SYNE1: variants seen among roughly 807,000 people sequenced by gnomAD.
SYNE1 encodes spectrin repeat containing nuclear envelope protein 1.
Under a neutral mutation model 1,111.0 loss-of-function variants are expected in SYNE1, and 616 were observed. The observed-to-expected ratio is 0.55, with a 90% CI of 0.52 to 0.59. The LOEUF (loss-of-function observed/expected upper bound fraction) is 0.59. Ranked by LOEUF, SYNE1 falls within the 20% of genes least tolerant of loss-of-function variation. The pLI is 0.00. For synonymous variants in SYNE1, 3,855 were observed against 3,825.8 expected (o/e 1.01, Z -0.28); for missense variants, 10,006 against 10,417.0 (o/e 0.96, Z 1.72).
intron 53 of SYNE1, among the ~76,000 whole-genome samples, chr6:152,389,763 A>T (rs1019783229): frequency 6.6e-6 from 1 of 152,196 alleles, no homozygotes; most frequent in African/African-American, 2.4e-5. Context: ...ACTTTGTAGG[A>T]TATGAGCTCT....
chr6:152,578,903 C>T (rs78896686), intron 3 of SYNE1, among the ~76,000 whole-genome samples: 1,937 of 152,062 alleles, frequency 0.013, 16 homozygotes, highest in Non-Finnish European at 0.021. Context: ...ATTTAAAAAT[C>T]CATCAAGTCT....
At chr6:152,195,254 G>T (rs1249280466) in intron 127 of SYNE1, among the ~76,000 whole-genome samples, 1 of 152,146 alleles carries the variant, frequency 6.6e-6, no homozygotes, top group African/African-American at 2.4e-5. Flanking sequence ...TGTCTGAAAG[G>T]TTGCATATAT....
chr6:152,550,822 G>A (rs1416485764), intron 3 of SYNE1, among the ~76,000 whole-genome samples: 1 of 152,032 alleles, frequency 6.6e-6, no homozygotes, highest in Non-Finnish European at 1.5e-5. Flanking sequence ...ACCGTATCAC[G>A]TTTCTAAAAT....
At chr6:152,632,618 G>A (rs910213267) in intron 2 of SYNE1, among the ~76,000 whole-genome samples, 1 of 152,122 alleles carries the variant, frequency 6.6e-6, no homozygotes, top group African/African-American at 2.4e-5. Context: ...TGTGGTACCA[G>A]GAAATGCACA....
intron 130 of SYNE1, among the ~76,000 whole-genome samples, chr6:152,171,141 T>A (rs2065107406): frequency 6.6e-6 from 1 of 152,234 alleles, no homozygotes; most frequent in Admixed American, 6.5e-5. Context: ...ATCAGCAGCA[T>A]GAAAATGGAC....
chr6:152,426,481 C>T (rs369851124), intron 38 of SYNE1, among the ~76,000 whole-genome samples: 46 of 152,338 alleles, frequency 3.0e-4, no homozygotes, highest in African/African-American at 9.6e-4. Flanking sequence ...GCCTTACTGA[C>T]GCAATGTCAG....
At chr6:152,444,738 T>G (rs2098561975) in intron 29 of SYNE1, among the ~76,000 whole-genome samples, 160 bp from the exon 30 acceptor site, 1 of 152,190 alleles carries the variant, frequency 6.6e-6, no homozygotes, top group Non-Finnish European at 1.5e-5. Context: ...AATTAGCCTG[T>G]CATCTCACAT....
intron 3 of SYNE1, among the ~76,000 whole-genome samples, chr6:152,552,498 G>A (rs542348995): frequency 6.7e-6 from 1 of 149,956 alleles, no homozygotes; most frequent in East Asian, 1.9e-4. Flanking sequence ...TATCCAGCAC[G>A]GATACAATAA....
Position 152,326,568 on chromosome 6 carries a change from G to C in SYNE1, c.15021C>G (p.Asp5007Glu). The change falls in exon 79 of 146, where the codon GAC becomes GAG. Residue 5007 changes from aspartate (D) to glutamate (E), a missense_variant. Asp to Glu is a conservative substitution (Grantham distance 45). Transcript: ENST00000367255. Reference sequence around the variant, plus strand: ...ACAATTCTTGGGCATCCTCAAGCCAGTCATTGGCTGCTTGAAATACCTGAT... The same window carrying C: ...ACAATTCTTGGGCATCCTCAAGCCACTCATTGGCTGCTTGAAATACCTGAT... ...RYYQVFQAAN[D>E]WLEDAQELLQ... is the part of the protein sequence containing the mutation. The C allele has an allele frequency of 6.2e-7, 1 of 1,614,190 alleles. No individual in the cohort carries two copies. The highest frequency in any genetic ancestry group is 8.5e-7 in the Non-Finnish European group (1 of 1,180,030).
intron 45 of SYNE1, among the ~76,000 whole-genome samples, chr6:152,405,361 T>C (rs1470752219): frequency 6.6e-6 from 1 of 152,200 alleles, no homozygotes; most frequent in Non-Finnish European, 1.5e-5. Context: ...CCCTGATTTG[T>C]AGCATTTACC....
chr6:152,236,413 A>G, intron 109 of SYNE1, 110 bp from the exon 110 acceptor site: 1 of 798,934 alleles, frequency 1.3e-6, no homozygotes. Flanking sequence ...ATTCAAACTT[A>G]AACTATACTC....
At chr6:152,312,844 T>C (rs536016885) in intron 87 of SYNE1, among the ~76,000 whole-genome samples, 1 of 152,252 alleles carries the variant, frequency 6.6e-6, no homozygotes, top group South Asian at 2.1e-4. Context: ...CATCTTTCTT[T>C]TTCACCCGAC....
chr6:152,453,489 C>T, intron 25 of SYNE1, 97 bp downstream of exon 25: 1 of 1,588,016 alleles, frequency 6.3e-7, no homozygotes, highest in African/African-American at 1.3e-5. Context: ...AGTGACTTTC[C>T]AGGAATTTCT....
At chr6:152,629,877 A>G (rs1351926524) in intron 2 of SYNE1, among the ~76,000 whole-genome samples, 1 of 152,096 alleles carries the variant, frequency 6.6e-6, no homozygotes, top group Non-Finnish European at 1.5e-5. Flanking sequence ...AAGAAAGCTC[A>G]TACATGTGAG....
chr6:152,310,716 C>G lies in SYNE1; in HGVS notation c.16868G>C (p.Arg5623Pro). Reference protein sequence around the residue: ...TEELRQMIKIRLQNLQDAAKD... With the variant: ...TEELRQMIKIPLQNLQDAAKD... ...AGCTGCATCTTGGAGGTTCTGCAAA[C>G]GAATTTTGATCATCTGTCGCAACTC... Residue 5623 changes from arginine to proline, a missense_variant, in exon 88 of 146, where the codon CGT becomes CCT. By Grantham distance (103) the Arg-to-Pro change is moderately radical (BLOSUM62 -2). This residue lies in a region of SYNE1 where 4,955 missense variants were observed against 5,017.2 expected (regional missense o/e 0.99). Transcript: ENST00000367255. 6.2e-7 allele frequency: 1 copy of G among 1,613,334 alleles called. No individual in the cohort carries two copies. The highest frequency in any genetic ancestry group is 8.5e-7 in the Non-Finnish European group (1 of 1,179,926).
intron 3 of SYNE1, among the ~76,000 whole-genome samples, chr6:152,570,203 GTTCT>G (rs1298060216): frequency 6.6e-6 from 1 of 152,088 alleles, no homozygotes; most frequent in Admixed American, 6.5e-5. Flanking sequence ...TTGCTCCTAT[GTTCT>G]TTCTCAGCAC....
intron 65 of SYNE1, among the ~76,000 whole-genome samples, chr6:152,358,907 T>G (rs2096884491): frequency 1.3e-5 from 2 of 152,226 alleles, no homozygotes; most frequent in East Asian, 3.8e-4. Flanking sequence ...GATTAAATTT[T>G]CCATAGTAGA....
chr6:152,540,328 A>G (rs969988984), intron 3 of SYNE1, among the ~76,000 whole-genome samples: 2 of 152,218 alleles, frequency 1.3e-5, no homozygotes, highest in African/African-American at 4.8e-5. Flanking sequence ...ATGAAAATTC[A>G]CCAAGACCAC....
chr6:152,412,246 C>A (rs554248895), intron 42 of SYNE1, among the ~76,000 whole-genome samples: 1 of 151,718 alleles, frequency 6.6e-6, no homozygotes, highest in Admixed American at 6.6e-5. Context: ...ACGGTGAAAC[C>A]CCATCTCTAC....
Sources: gnomAD v4.1 joint callset for allele counts (sites outside exome capture counted in the v4.1 genomes callset) on GRCh38, gnomAD v4.1.1 for gene constraint, gnomAD v4.1.1 regional missense constraint, MANE v1.5 for transcripts, NCBI Gene and HGNC (gene_info 2026-07-23, HGNC 2026-07-21) for gene names.